The following PREX1 variants were observed in gnomAD, a reference collection of about 807,000 sequenced individuals.
The protein encoded by PREX1 is phosphatidylinositol 3,4,5-trisphosphate-dependent Rac exchanger 1 protein.
A neutral mutation model predicts 198.3 loss-of-function variants in PREX1; 41 were observed. The ratio of observed to expected loss-of-function variants is 0.21; its 90% CI spans 0.16 to 0.27. The LOEUF (loss-of-function observed/expected upper bound fraction) is 0.27, where lower values mean the gene tolerates loss of function less well. Among genes scored for constraint, PREX1 ranks in the 10% least tolerant of loss-of-function variants. PREX1 has a pLI of 1.00. For missense variants in PREX1, 1,620 were observed against 2,200.7 expected (o/e 0.74, Z 5.28); for synonymous variants, 843 against 887.2 (o/e 0.95, Z 0.89).
At chr20:48,715,446 C>A (rs1294414419) in intron 5 of PREX1, among the ~76,000 whole-genome samples, 1 of 152,174 alleles carries the variant, frequency 6.6e-6, no homozygotes, top group Admixed American at 6.5e-5. Context: ...GATGATGAAA[C>A]TGGAGAGCTC....
chr20:48,750,433 C>T (rs762558380), intron 1 of PREX1, among the ~76,000 whole-genome samples: 19 of 152,198 alleles, frequency 1.2e-4, no homozygotes, highest in Non-Finnish European at 1.9e-4. Context: ...TTCCATGGTC[C>T]CCATGATCTT....
At position 48,722,438 on chromosome 20, in the gene PREX1, C is replaced by T. The variant is rs117532957; in HGVS notation, c.621+3852G>A. 2.3e-3 allele frequency among the ~76,000 whole-genome samples: 349 copies of T among 152,206 alleles called. 4 individuals carry two copies. In the East Asian group the frequency reaches 0.043, roughly 19 times the overall value. On this transcript the variant is annotated intron_variant, in intron 5 of 39. Transcript: ENST00000371941. The stretch of plus-strand genomic sequence containing the variant: ...CAGAGGCAGAAAGTAGACAAGTGGT[C>T]GGCAGGGGCTGGAGGAGGGGAGGAT...
Position 48,692,795 on chromosome 20 carries a change from T to TA in PREX1, c.918-6dup. The TA allele has an allele frequency of 6.2e-7, 1 of 1,611,980 alleles. No homozygotes were observed. The highest frequency in any genetic ancestry group is 2.2e-5 in the East Asian group (1 of 44,860). On this transcript the variant is annotated splice_region_variant and splice_polypyrimidine_tract_variant and intron_variant, in intron 7 of 39. Coordinates refer to ENST00000371941, the MANE Select transcript of PREX1 (RefSeq NM_020820.4). ...GACTTCTTGCTCCCGGTGACCCTGATAGACAGTGAGAAGTCAGTGTCCCCT... is the reference window on the plus strand; with the variant it reads ...GACTTCTTGCTCCCGGTGACCCTGATAAGACAGTGAGAAGTCAGTGTCCCCT...
intron 1 of PREX1, among the ~76,000 whole-genome samples, chr20:48,776,763 A>G (rs1214537635): frequency 6.6e-6 from 1 of 152,198 alleles, no homozygotes; most frequent in Admixed American, 6.5e-5. Context: ...ATTCAGCATT[A>G]ACACAAAAAA....
At chr20:48,640,997 G>A (rs1231343080) in intron 29 of PREX1, among the ~76,000 whole-genome samples, 1 of 151,966 alleles carries the variant, frequency 6.6e-6, no homozygotes, top group Non-Finnish European at 1.5e-5. Flanking sequence ...TGGATGGATA[G>A]CTAGATGATA....
intron 22 of PREX1, 85 bp downstream of exon 22, chr20:48,651,310 AC>A: frequency 6.7e-7 from 1 of 1,500,952 alleles, no homozygotes; most frequent in Middle Eastern, 2.4e-4. Context: ...CGGGTGTCCC[AC>A]CCAACTCCTT....
intron 1 of PREX1, among the ~76,000 whole-genome samples, chr20:48,816,303 T>C (rs113014384): frequency 0.024 from 3,683 of 152,116 alleles, 161 homozygotes; most frequent in African/African-American, 0.082. Flanking sequence ...CCACTGACCA[T>C]TGTTGGTGGG....
chr20:48,711,063 C>T (rs2089928634), intron 5 of PREX1, among the ~76,000 whole-genome samples: 2 of 152,232 alleles, frequency 1.3e-5, no homozygotes, highest in South Asian at 4.1e-4. Context: ...TGGCTGCTGA[C>T]AGGAGGATGC....
At position 48,819,840 on chromosome 20, in the gene PREX1, C is replaced by T. The variant is rs142157912; in HGVS notation, c.219+7802G>A. 7.0e-3 allele frequency among the ~76,000 whole-genome samples: 1,060 copies of T among 152,336 alleles called. 17 individuals carry two copies. The highest frequency in any genetic ancestry group is 0.024 in the African/African-American group (997 of 41,562). ...CTGGCACACAGTGGGTGCTGAATGG[C>T]CATTTATTGAATGAATAAGTCGATT... On this transcript the variant is annotated intron_variant, in intron 1 of 39. Transcript: ENST00000371941.
At chr20:48,769,920 G>A (rs1041616082) in intron 1 of PREX1, among the ~76,000 whole-genome samples, 2 of 152,170 alleles carry the variant, frequency 1.3e-5, no homozygotes, top group Non-Finnish European at 2.9e-5. Flanking sequence ...CGGTGAGGGA[G>A]AGAGCTTTTG....
rs1380702020 is a variant in PREX1 at position 48,705,055 on chromosome 20, C to T, written c.783+3205G>A. On this transcript the variant is annotated intron_variant, in intron 6 of 39. Transcript: ENST00000371941. ...AGATCCCACTTTGCTGCCAGGGCTC[C>T]TCCTGACATGTATTGGGCGTTTTCT... Among the ~76,000 whole-genome samples, 5 of 152,174 alleles carry T rather than the reference C, an allele frequency of 3.3e-5. No individual in the cohort carries two copies. In the East Asian group the frequency reaches 9.6e-4, roughly 29 times the overall value.
intron 1 of PREX1, among the ~76,000 whole-genome samples, chr20:48,778,812 C>T (rs905575682): frequency 3.3e-5 from 5 of 152,140 alleles, no homozygotes; most frequent in African/African-American, 1.2e-4. Flanking sequence ...CAACCACACA[C>T]GATATGCAAA....
rs373537297 is a variant in PREX1, at chr20:48,708,426, G to A, written c.622-5C>T. ...GGGAGTCCTCTTGGCCAGCTCCTGG[G>A]GTAGAATAGAGGTGGGGAGAAGAAA... On this transcript the variant is annotated splice_polypyrimidine_tract_variant and splice_region_variant and intron_variant, in intron 5 of 39. Transcript: ENST00000371941. 1.2e-5 allele frequency: 19 copies of A among 1,613,904 alleles called. No individual in the cohort carries two copies. Among genetic ancestry groups the A allele is most frequent in the Middle Eastern group, 1.7e-4 (1 of 6,056 alleles).
rs373161536 is a variant in PREX1, at chr20:48,686,918, T to C, written c.1334+1739A>G. 2.0e-5 allele frequency among the ~76,000 whole-genome samples: 3 copies of C among 152,156 alleles called. No homozygotes were observed. In the South Asian group the frequency reaches 6.2e-4, roughly 32 times the overall value. ...CCCAACATCCATACTGCACCCTGAA[T>C]GTCTATCAGCATTTCAGCCTCCACC... On this transcript the variant is annotated intron_variant, in intron 10 of 39. Coordinates refer to ENST00000371941, the MANE Select transcript of PREX1 (RefSeq NM_020820.4).
At chr20:48,809,672 C>G (rs1005877651) in intron 1 of PREX1, among the ~76,000 whole-genome samples, 1 of 152,142 alleles carries the variant, frequency 6.6e-6, no homozygotes, top group Non-Finnish European at 1.5e-5. Flanking sequence ...AGGGGAGAGG[C>G]CACCAATAGG....
At chr20:48,747,937 GGCCCTACA>G in intron 1 of PREX1, 57 bp from the exon 2 acceptor site, 1 of 1,495,398 alleles carries the variant, frequency 6.7e-7, no homozygotes, top group Non-Finnish European at 9.2e-7. Flanking sequence ...TCCCATGGAC[GGCCCTACA>G]GAAGGCTCTC....
chr20:48,876,352 A>G, the PREX1 span, among the ~76,000 whole-genome samples: 1 of 152,336 alleles, frequency 6.6e-6, no homozygotes, highest in African/African-American at 2.4e-5. Flanking sequence ...CGCCCTTTGG[A>G]GGACACAAAT....
rs1568848724 is a variant in PREX1 at position 48,747,003 on chromosome 20, CACACACA to C, written c.291+799_291+805del. ...ACACACACACACACACACACACACACACACACACCCCACCCCCAGGAGGAGCCATGCA... is the reference window on the plus strand; with the variant it reads ...ACACACACACACACACACACACACACCCCCACCCCCAGGAGGAGCCATGCA... On this transcript the variant is annotated intron_variant, in intron 2 of 39. Transcript: ENST00000371941. Among the ~76,000 whole-genome samples, 94 of 118,280 alleles carry C rather than the reference CACACACA, an allele frequency of 7.9e-4. 2 individuals are homozygous for C. In the East Asian group the frequency reaches 1.0e-2, roughly 13 times the overall value. 77.6% of individuals were successfully genotyped at this position (118,280 alleles called of 152,430 possible).
Position 48,679,386 on chromosome 20 carries a change from A to G in PREX1, c.1563T>C (p.Leu521=). The change falls in exon 13 of 40, where the codon CTT becomes CTC. Residue 521 remains leucine (L), a synonymous_variant. Transcript: ENST00000371941. ...TGATCACCGGGGTGTAGAGGCTGTG[A>G]AGACGGCAGTAAAGCCTCACACCCT... ...MSKGVRLYCR[L]HSLYTPVIKD... is the part of the protein sequence containing the mutation. 1 of 1,613,744 alleles carries G rather than the reference A, an allele frequency of 6.2e-7. No individual in the cohort carries two copies. The highest frequency in any genetic ancestry group is 8.5e-7 in the Non-Finnish European group (1 of 1,179,744).
Sources: gnomAD v4.1 joint callset for allele counts (sites outside exome capture counted in the v4.1 genomes callset) on GRCh38, gnomAD v4.1.1 for gene constraint, MANE v1.5 for transcripts, NCBI Gene and HGNC (gene_info 2026-07-23, HGNC 2026-07-21) for gene names.